The following MEF2C variants were observed in gnomAD, a reference collection of about 807,000 sequenced individuals.
MEF2C encodes myocyte enhancer factor 2C.
A neutral mutation model predicts 50.5 loss-of-function variants in MEF2C; 6 were observed. The ratio of observed to expected loss-of-function variants is 0.12; its 90% confidence interval spans 0.07 to 0.23. MEF2C has a LOEUF of 0.23. Among genes scored for constraint, MEF2C ranks in the 10% least tolerant of loss-of-function variants. The pLI, the probability that MEF2C is intolerant of heterozygous loss-of-function variation, is 1.00. For missense variants in MEF2C, 276 were observed against 605.0 expected (o/e 0.46, Z 5.70); for synonymous variants, 183 against 228.0 (o/e 0.80, Z 1.78).
In MEF2C at chr5:88,875,775, G is replaced by A. The variant is rs192049804; in HGVS notation, c.-143+7180C>T. Among the ~76,000 whole-genome samples, 60 of 152,028 alleles carry A rather than the reference G, an allele frequency of 3.9e-4. No homozygotes were observed. In the Middle Eastern group the frequency reaches 0.01, roughly 26 times the overall value. The stretch of plus-strand genomic sequence containing the variant: ...GAAGGCCCTCTGTTCCTTACCCTAT[G>A]TAGGGGGAAATAAAGGACATTAGTT... On this transcript the variant is annotated intron_variant, in intron 1 of 10. Coordinates refer to ENST00000504921, the MANE Select transcript of MEF2C (RefSeq NM_002397.5).
At chr5:88,802,541 G>T (rs1209279612) in intron 3 of MEF2C, among the ~76,000 whole-genome samples, 1 of 152,182 alleles carries the variant, frequency 6.6e-6, no homozygotes, top group Non-Finnish European at 1.5e-5. Flanking sequence ...TGACCTCTCA[G>T]GCTCAAGCCA....
chr5:88,871,967 A>C (rs1315147558), intron 1 of MEF2C, among the ~76,000 whole-genome samples: 1 of 152,062 alleles, frequency 6.6e-6, no homozygotes, highest in African/African-American at 2.4e-5. Context: ...AATGCATTTC[A>C]TCTTTATGGG....
intron 6 of MEF2C, chr5:88,740,342 A>G (rs917915964): frequency 1.4e-5 from 14 of 984,930 alleles, no homozygotes; most frequent in Non-Finnish European, 1.7e-5. Context: ...CTGGATTGTG[A>G]GGGAGAGGTA....
intron 2 of MEF2C, chr5:88,819,490 C>T: frequency 5.7e-6 from 3 of 526,606 alleles, no homozygotes; most frequent in Non-Finnish European, 7.3e-6. Flanking sequence ...CCTTCAGCTC[C>T]TCAGTCAAGC....
At chr5:88,752,088 T>C (rs1389598296) in intron 4 of MEF2C, 45 bp from the exon 5 acceptor site, 2 of 1,516,768 alleles carry the variant, frequency 1.3e-6, no homozygotes, top group Non-Finnish European at 1.8e-6. Flanking sequence ...AAAGAATTAA[T>C]AACAGAAGCT....
chr5:88,727,443 G>T (rs1165610976), intron 10 of MEF2C, among the ~76,000 whole-genome samples: 1 of 152,102 alleles, frequency 6.6e-6, no homozygotes, highest in Non-Finnish European at 1.5e-5. Flanking sequence ...AAGCTAGTGG[G>T]TGGGGGGAGA....
intron 6 of MEF2C, chr5:88,741,148 C>T (rs1205579065): frequency 2.0e-6 from 2 of 985,290 alleles, no homozygotes; most frequent in Admixed American, 6.2e-5. Flanking sequence ...CCGTGCTGGA[C>T]ATCTCTGTGA....
chr5:88,831,574 A>G (rs1813040434), intron 1 of MEF2C, among the ~76,000 whole-genome samples: 1 of 152,066 alleles, frequency 6.6e-6, no homozygotes, highest in African/African-American at 2.4e-5. Flanking sequence ...AGAAAATGCT[A>G]GATAAATCAT....
intron 2 of MEF2C, among the ~76,000 whole-genome samples, chr5:88,808,349 A>G (rs965559722): frequency 4.6e-5 from 7 of 152,162 alleles, no homozygotes; most frequent in Non-Finnish European, 1.0e-4. Context: ...GAATGTCTCA[A>G]TACAGTATGG....
rs1008392048 is a variant in MEF2C, at chr5:88,883,051, C to T, written c.-239G>A. 2 of 152,396 alleles carry T rather than the reference C, an allele frequency of 1.3e-5. No individual in the cohort carries two copies. Among genetic ancestry groups the T allele is most frequent in the African/African-American group, 4.8e-5 (2 of 41,380 alleles). The allele number at this position is 152,396 out of a possible 1,614,324, so 9.4% of individuals were successfully genotyped here. Reference sequence around the variant, plus strand: ...AAAATAACAACAATAATCTTTACTTCGTCCAGCGTTGAAGTGCTTCTCCAC... The same window carrying T: ...AAAATAACAACAATAATCTTTACTTTGTCCAGCGTTGAAGTGCTTCTCCAC... On this transcript the variant is annotated 5_prime_UTR_variant, in exon 1 of 11. Transcript: ENST00000504921.
intron 4 of MEF2C, among the ~76,000 whole-genome samples, chr5:88,754,619 G>T (rs1774408137): frequency 6.6e-6 from 1 of 152,142 alleles, no homozygotes; most frequent in Non-Finnish European, 1.5e-5. Context: ...TGACTGGAGG[G>T]TGTGACTATT....
intron 1 of MEF2C, among the ~76,000 whole-genome samples, chr5:88,874,625 A>T (rs1830518882): frequency 6.6e-6 from 1 of 151,922 alleles, no homozygotes; most frequent in Non-Finnish European, 1.5e-5. Context: ...ATTTATCGGG[A>T]ACATTTGCAT....
intron 1 of MEF2C, among the ~76,000 whole-genome samples, chr5:88,848,490 T>C (rs966565492): frequency 1.3e-5 from 2 of 152,178 alleles, no homozygotes. Flanking sequence ...CTAAGTGCTT[T>C]ATGCATATTA....
intron 2 of MEF2C, among the ~76,000 whole-genome samples, chr5:88,820,588 T>C (rs114820161): frequency 0.024 from 3,615 of 152,114 alleles, 79 homozygotes; most frequent in Non-Finnish European, 0.035. Flanking sequence ...TATAGCTAAA[T>C]AAACAAGTGC....
At chr5:88,723,814 T>C (rs1430773010) in intron 10 of MEF2C, among the ~76,000 whole-genome samples, 1 of 152,254 alleles carries the variant, frequency 6.6e-6, no homozygotes, top group East Asian at 1.9e-4. Flanking sequence ...AAGAAGGATG[T>C]AGTGTGATTT....
At chr5:88,833,357 A>G (rs1259459916) in intron 1 of MEF2C, among the ~76,000 whole-genome samples, 1 of 152,188 alleles carries the variant, frequency 6.6e-6, no homozygotes, top group Non-Finnish European at 1.5e-5. Flanking sequence ...GTAATCTCCA[A>G]TAAGATTTGA....
chr5:88,761,154 A>AAAAAAAATG (rs1238226867), intron 4 of MEF2C, 31 bp downstream of exon 4: 1 of 1,613,014 alleles, frequency 6.2e-7, no homozygotes, highest in African/African-American at 1.3e-5. Context: ...TATCAAGAGT[A>AAAAAAAATG]AAAAAAATGA....
At chr5:88,812,070 G>A (rs190981625) in intron 2 of MEF2C, among the ~76,000 whole-genome samples, 13 of 152,240 alleles carry the variant, frequency 8.5e-5, no homozygotes, top group African/African-American at 2.9e-4. Flanking sequence ...AAAGCAAGTA[G>A]TATCTTCTCT....
chr5:88,848,705 T>C (rs988536258), intron 1 of MEF2C, among the ~76,000 whole-genome samples: 2 of 152,188 alleles, frequency 1.3e-5, no homozygotes, highest in Non-Finnish European at 2.9e-5. Flanking sequence ...CAAATTCCAT[T>C]TGCCTATGTC....
Sources: allele counts gnomAD v4.1 joint callset (sites outside exome capture counted in the v4.1 genomes callset), GRCh38; gene constraint gnomAD v4.1.1; transcripts MANE v1.5; gene names NCBI Gene and HGNC (gene_info 2026-07-23, HGNC 2026-07-21).